The following LRRC4C variants were observed in gnomAD, a reference collection of about 807,000 sequenced individuals.
The protein encoded by LRRC4C is leucine rich repeat containing 4C, also known as leucine-rich repeat-containing protein 4C.
Under a neutral mutation model 33.6 loss-of-function variants are expected in LRRC4C, and 5 were observed. The observed-to-expected ratio is 0.15, with a 90% CI of 0.08 to 0.31. The LOEUF (loss-of-function observed/expected upper bound fraction) is 0.31, where lower values mean the gene tolerates loss of function less well. Among genes scored for constraint, LRRC4C ranks in the 10% least tolerant of loss-of-function variants. LRRC4C has a pLI of 1.00. For missense variants in LRRC4C, 560 were observed against 796.7 expected, an observed-to-expected ratio of 0.70 and a Z score of 3.58; for synonymous variants, 329 against 302.0, an observed-to-expected ratio of 1.09 and a Z score of -0.93.
intron 6 of LRRC4C, among the ~76,000 whole-genome samples, chr11:40,134,704 A>G (rs1468853032): frequency 6.6e-6 from 1 of 152,202 alleles, no homozygotes; most frequent in Non-Finnish European, 1.5e-5. Context: ...TGATTTATCT[A>G]TCTCTGCTCT....
intron 3 of LRRC4C, among the ~76,000 whole-genome samples, chr11:40,494,566 A>T (rs754559508): frequency 2.0e-5 from 3 of 152,140 alleles, no homozygotes; most frequent in Admixed American, 6.6e-5. Flanking sequence ...TCTGTTTTAC[A>T]TATGACATAA....
chr11:40,727,205 G>A (rs1947326690), intron 2 of LRRC4C, among the ~76,000 whole-genome samples: 1 of 152,044 alleles, frequency 6.6e-6, no homozygotes, highest in Non-Finnish European at 1.5e-5. Flanking sequence ...CATGATATGG[G>A]TACAAAACTA....
chr11:40,899,137 A>G (rs1346076916), intron 2 of LRRC4C, among the ~76,000 whole-genome samples: 1 of 151,976 alleles, frequency 6.6e-6, no homozygotes, highest in Non-Finnish European at 1.5e-5. Flanking sequence ...GAACTCATTC[A>G]ACTCATTCCA....
chr11:40,701,213 C>A (rs750406631), intron 2 of LRRC4C, among the ~76,000 whole-genome samples: 8 of 152,100 alleles, frequency 5.3e-5, no homozygotes, highest in Admixed American at 1.3e-4. Context: ...TCATTAAATT[C>A]AATTTGCAGT....
chr11:41,211,778 C>T (rs1014108116), intron 1 of LRRC4C, among the ~76,000 whole-genome samples: 4 of 152,122 alleles, frequency 2.6e-5, no homozygotes, highest in Non-Finnish European at 5.9e-5. Flanking sequence ...GTGAGTAGAG[C>T]CGCAATAAAC....
intron 1 of LRRC4C, among the ~76,000 whole-genome samples, chr11:41,129,744 G>A (rs1252066657): frequency 6.6e-6 from 1 of 151,780 alleles, no homozygotes; most frequent in Non-Finnish European, 1.5e-5. Context: ...TAGCTCCTTA[G>A]CTCCTCAAAG....
At chr11:40,814,780 C>CT (rs1183771079) in intron 2 of LRRC4C, among the ~76,000 whole-genome samples, 1 of 151,988 alleles carries the variant, frequency 6.6e-6, no homozygotes, top group Non-Finnish European at 1.5e-5. Context: ...CCACCAGTCT[C>CT]TTTGCTAAAA....
intron 2 of LRRC4C, among the ~76,000 whole-genome samples, chr11:40,757,215 T>C (rs1289543316): frequency 6.6e-6 from 1 of 152,040 alleles, no homozygotes; most frequent in African/African-American, 2.4e-5. Flanking sequence ...CACCCAGTCA[T>C]GAGACTAGGA....
intron 1 of LRRC4C, among the ~76,000 whole-genome samples, chr11:41,086,531 A>C (rs1281328477): frequency 6.6e-6 from 1 of 152,146 alleles, no homozygotes; most frequent in African/African-American, 2.4e-5. Context: ...CTTTCATTTG[A>C]ATTATAAATT....
At chr11:41,403,678 C>G (rs1288623709) in intron 1 of LRRC4C, among the ~76,000 whole-genome samples, 1 of 152,032 alleles carries the variant, frequency 6.6e-6, no homozygotes. Flanking sequence ...GTGCTGTTGC[C>G]AGGACATATT....
intron 3 of LRRC4C, among the ~76,000 whole-genome samples, chr11:40,558,139 A>G (rs1295746428): frequency 6.6e-6 from 1 of 152,224 alleles, no homozygotes; most frequent in Non-Finnish European, 1.5e-5. Context: ...ACAAATACAA[A>G]GATTCAAACA....
At chr11:40,979,075 T>C (rs1462808234) in intron 1 of LRRC4C, among the ~76,000 whole-genome samples, 1 of 152,212 alleles carries the variant, frequency 6.6e-6, no homozygotes, top group East Asian at 1.9e-4. Context: ...CTGTAACCCT[T>C]GACCTGATCA....
intron 5 of LRRC4C, among the ~76,000 whole-genome samples, chr11:40,148,311 G>C (rs947267976): frequency 3.3e-5 from 5 of 152,154 alleles, no homozygotes; most frequent in African/African-American, 1.2e-4. Context: ...CAATGCATAA[G>C]CATTCCTTAT....
At chr11:40,585,476 C>CT (rs112444074) in intron 3 of LRRC4C, among the ~76,000 whole-genome samples, 41,950 of 146,864 alleles carry the variant, frequency 0.29, 5,943 homozygotes, top group Middle Eastern at 0.38. Context: ...TTTGTTATTT[C>CT]TTTTTTTTTT....
chr11:41,026,737 C>T (rs1856394145), intron 1 of LRRC4C, among the ~76,000 whole-genome samples: 1 of 151,388 alleles, frequency 6.6e-6, no homozygotes, highest in African/African-American at 2.4e-5. Context: ...AAAGACCCTC[C>T]ACTACAAAAA....
chr11:40,676,674 GCTATATTTAT>G (rs1203156342), intron 2 of LRRC4C, among the ~76,000 whole-genome samples: 10 of 152,092 alleles, frequency 6.6e-5, no homozygotes, highest in South Asian at 4.2e-4. Flanking sequence ...CTTCTTTTAG[GCTATATTTAT>G]CCAATTTTGA....
At chr11:41,426,651 A>C (rs1274572508) in intron 1 of LRRC4C, 5 of 152,194 alleles carry the variant, frequency 3.3e-5, no homozygotes, top group Non-Finnish European at 7.3e-5. Flanking sequence ...TAAATGTTTC[A>C]GTTTTCTATT....
At chr11:40,356,011 T>G (rs1947652398) in intron 3 of LRRC4C, among the ~76,000 whole-genome samples, 1 of 121,910 alleles carries the variant, frequency 8.2e-6, no homozygotes. Flanking sequence ...ATTAAGTGCA[T>G]AAACTGAGAA....
intron 1 of LRRC4C, among the ~76,000 whole-genome samples, chr11:41,368,887 G>C (rs948388707): frequency 6.6e-6 from 1 of 152,150 alleles, no homozygotes; most frequent in African/African-American, 2.4e-5. Context: ...GAACCCATTT[G>C]TAGACAGACA....
Sources: allele counts gnomAD v4.1 joint callset (sites outside exome capture counted in the v4.1 genomes callset), GRCh38; gene constraint gnomAD v4.1.1; transcripts MANE v1.5; gene names NCBI Gene and HGNC (gene_info 2026-07-23, HGNC 2026-07-21).